Variants in SPATA18 observed in about 807,000 individuals in gnomAD.
SPATA18 encodes mitochondria-eating protein.
In SPATA18, 54 loss-of-function variants were observed where a neutral mutation model predicts 68.1. The ratio of observed to expected loss-of-function variants is 0.79; its 90% confidence interval spans 0.64 to 0.99. The LOEUF (loss-of-function observed/expected upper bound fraction) is 0.99. Ranked by LOEUF, SPATA18 falls within the 50% of genes least tolerant of loss-of-function variation. SPATA18 has a pLI of 0.00. For synonymous variants in SPATA18, 242 were observed against 244.8 expected (o/e 0.99, Z 0.11); for missense variants, 724 against 681.1 (o/e 1.06, Z -0.70).
intron 4 of SPATA18, among the ~76,000 whole-genome samples, chr4:52,065,669 C>G (rs1739249105): frequency 1.3e-5 from 2 of 152,300 alleles, no homozygotes; most frequent in South Asian, 4.1e-4. Flanking sequence ...CTCTTCCCTC[C>G]CTTACTTTGC....
At chr4:52,059,969 C>T (rs1326235906) in intron 1 of SPATA18, among the ~76,000 whole-genome samples, 1 of 152,220 alleles carries the variant, frequency 6.6e-6, no homozygotes, top group Non-Finnish European at 1.5e-5. Context: ...CTCCAAATCT[C>T]AGTGGCTTAC....
At chr4:52,055,698 G>A (rs770008122) in intron 1 of SPATA18, among the ~76,000 whole-genome samples, 30 of 152,142 alleles carry the variant, frequency 2.0e-4, no homozygotes, top group Non-Finnish European at 3.7e-4. Context: ...CCACGCGAGA[G>A]CAATTAAATC....
chr4:52,088,053 C>T (rs1741589469), intron 11 of SPATA18, among the ~76,000 whole-genome samples: 1 of 152,112 alleles, frequency 6.6e-6, no homozygotes, highest in Admixed American at 6.5e-5. Flanking sequence ...TGAGTTCACT[C>T]ATGATTTGGC....
chr4:52,058,943 A>G (rs181958409), intron 1 of SPATA18, among the ~76,000 whole-genome samples: 2 of 152,342 alleles, frequency 1.3e-5, no homozygotes, highest in Admixed American at 6.5e-5. Flanking sequence ...TAGTGAGAGA[A>G]TTAGCTGAGT....
intron 11 of SPATA18, among the ~76,000 whole-genome samples, chr4:52,089,167 C>T (rs1488415091): frequency 6.6e-6 from 1 of 151,962 alleles, no homozygotes; most frequent in Non-Finnish European, 1.5e-5. Flanking sequence ...TTTGATTCTT[C>T]TCTCTTTTCT....
intron 1 of SPATA18, among the ~76,000 whole-genome samples, chr4:52,056,241 A>C (rs540586968): frequency 6.6e-6 from 1 of 152,218 alleles, no homozygotes; most frequent in South Asian, 2.1e-4. Flanking sequence ...CACACCTCCC[A>C]GTCCTGTCTC....
intron 6 of SPATA18, 118 bp downstream of exon 6, chr4:52,072,274 T>G: frequency 6.9e-7 from 1 of 1,449,298 alleles, no homozygotes; most frequent in Non-Finnish European, 9.2e-7. Context: ...CTCAGCAATC[T>G]GCCAAGCTTT....
In SPATA18 at chr4:52,072,271, A is replaced by G. The variant is rs1051630530; in HGVS notation, c.758+115A>G. 17 of 1,467,720 alleles carry G rather than the reference A, an allele frequency of 1.2e-5. No individual in the cohort carries two copies. In the Admixed American group the frequency reaches 1.4e-4, roughly 12 times the overall value. 90.9% of individuals were successfully genotyped at this position (1,467,720 alleles called of 1,614,324 possible). A position where few individuals can be genotyped will look rare whatever the true frequency, so the allele number is the denominator to read the frequency against. ...GATACCCTGAACCAAAACCTCAGCA[A>G]TCTGCCAAGCTTTGAATTGTAAAGG... On this transcript the variant is annotated intron_variant, in intron 6 of 12. Transcript: ENST00000295213.
rs1441341920 is a variant in SPATA18 at position 52,095,124 on chromosome 4, TATAGGCATTTAGGATC to T, written c.*241_*256del. On this transcript the variant is annotated 3_prime_UTR_variant, in exon 13 of 13. Transcript: ENST00000295213. ...TCCATTAATTTCATAAAAATGATTGTATAGGCATTTAGGATCATATTCATTCGAAGCAAAGTCCGTT... is the reference window on the plus strand; with the variant it reads ...TCCATTAATTTCATAAAAATGATTGTATATTCATTCGAAGCAAAGTCCGTT... The T allele has an allele frequency of 1.8e-6, 1 of 562,718 alleles. No homozygotes were observed. Among genetic ancestry groups the T allele is most frequent in the African/African-American group, 1.9e-5 (1 of 53,012 alleles). 34.9% of individuals were successfully genotyped at this position (562,718 alleles called of 1,614,324 possible). A position where few individuals can be genotyped will look rare whatever the true frequency, so the allele number is the denominator to read the frequency against.
At chr4:52,089,179 C>G (rs529380562) in intron 11 of SPATA18, among the ~76,000 whole-genome samples, 386 of 152,024 alleles carry the variant, frequency 2.5e-3, no homozygotes, top group Non-Finnish European at 3.5e-3. Flanking sequence ...CTCTTTTCTT[C>G]CTTATTAGTC....
chr4:52,080,668 A>G lies in SPATA18; in HGVS notation c.1355+749A>G, dbSNP rs535215552. Reference sequence around the variant, plus strand: ...TTCAGCTCCATCACCTATTAGCTGTATAATGTTAGGCATGCCACTTAATTT... The same window carrying G: ...TTCAGCTCCATCACCTATTAGCTGTGTAATGTTAGGCATGCCACTTAATTT... On this transcript the variant is annotated intron_variant, in intron 9 of 12. Coordinates refer to ENST00000295213, the MANE Select transcript of SPATA18 (RefSeq NM_145263.4). Among the ~76,000 whole-genome samples, 29 of 152,292 alleles carry G rather than the reference A, an allele frequency of 1.9e-4. 1 individual carries two copies. The South Asian group carries it at 5.8e-3, about 30-fold the overall frequency.
At chr4:52,055,861 G>C (rs910856152) in intron 1 of SPATA18, among the ~76,000 whole-genome samples, 3 of 152,084 alleles carry the variant, frequency 2.0e-5, no homozygotes, top group Non-Finnish European at 4.4e-5. Flanking sequence ...TTATTTTCGT[G>C]TTTATCTTAG....
chr4:52,084,902 C>G lies in SPATA18; in HGVS notation c.1480-14C>G, dbSNP rs1013646473. On this transcript the variant is annotated splice_polypyrimidine_tract_variant and intron_variant, in intron 10 of 12. Coordinates refer to ENST00000295213, the MANE Select transcript of SPATA18 (RefSeq NM_145263.4). Reference sequence around the variant, plus strand: ...CTCCTGACTATGTCTCTCTCTTTCTCTCTCTTTTTTAAGTGGAATTCGGTG... The same window carrying G: ...CTCCTGACTATGTCTCTCTCTTTCTGTCTCTTTTTTAAGTGGAATTCGGTG... 29 of 1,613,330 alleles carry G rather than the reference C, an allele frequency of 1.8e-5. No homozygotes were observed. The highest frequency in any genetic ancestry group is 2.1e-5 in the Non-Finnish European group (25 of 1,179,556).
chr4:52,083,565 C>T (rs748229631), intron 10 of SPATA18: 39 of 740,634 alleles, frequency 5.3e-5, no homozygotes, highest in Middle Eastern at 6.9e-4. Context: ...GGCAACATAG[C>T]GAGACCTCAT....
chr4:52,073,889 C>A (rs1418640751), intron 6 of SPATA18, among the ~76,000 whole-genome samples: 2 of 152,188 alleles, frequency 1.3e-5, no homozygotes, highest in African/African-American at 4.8e-5. Context: ...CTGATGACAG[C>A]AACTTGTTCA....
In SPATA18 at chr4:52,060,886, C is replaced by G. The variant is rs994783990; in HGVS notation, c.298C>G (p.Pro100Ala). 6.2e-7 allele frequency: 1 copy of G among 1,613,562 alleles called. No homozygotes were observed. The highest frequency in any genetic ancestry group is 1.3e-5 in the African/African-American group (1 of 74,876). ...SLGKSVDSKV[P>A]SLQDTFDRER... ...GGGAAAATCTGTTGACAGCAAGGTCCCCTCTCTGCAGGTAGGGATGCTGAA... is the reference window on the plus strand; with the variant it reads ...GGGAAAATCTGTTGACAGCAAGGTCGCCTCTCTGCAGGTAGGGATGCTGAA... The change falls in exon 3 of 13, where the codon CCC becomes GCC. Residue 100 changes from proline (P) to alanine (A), a missense_variant. Transcript: ENST00000295213.
Position 52,075,372 on chromosome 4 carries a change from A to G in SPATA18, c.759-1407A>G, listed in dbSNP as rs80336438. Among the ~76,000 whole-genome samples, 149 of 152,248 alleles carry G rather than the reference A, an allele frequency of 9.8e-4. 1 individual carries two copies. The highest frequency in any genetic ancestry group is 3.5e-3 in the African/African-American group (147 of 41,572). ...TGGTGCTGGCATTTTTCCTCCTCCA[A>G]TGGAACTGTTTTTGTTTTGGATATT... On this transcript the variant is annotated intron_variant, in intron 6 of 12. Transcript: ENST00000295213.
chr4:52,052,442 C>T (rs903446734), intron 1 of SPATA18, among the ~76,000 whole-genome samples: 1 of 152,158 alleles, frequency 6.6e-6, no homozygotes, highest in Non-Finnish European at 1.5e-5. Flanking sequence ...CTTTTCAAAT[C>T]TCATTAATCC....
intron 1 of SPATA18, among the ~76,000 whole-genome samples, chr4:52,058,011 A>G (rs564584034): frequency 6.6e-6 from 1 of 152,348 alleles, no homozygotes; most frequent in African/African-American, 2.4e-5. Context: ...CACTTAGCAC[A>G]TGGAATGATC....
Sources: gnomAD v4.1 joint callset for allele counts (sites outside exome capture counted in the v4.1 genomes callset) on GRCh38, gnomAD v4.1.1 for gene constraint, MANE v1.5 for transcripts, NCBI Gene and HGNC (gene_info 2026-07-23, HGNC 2026-07-21) for gene names.